SACM1L: variants seen among roughly 807,000 people sequenced by gnomAD.
SACM1L encodes SAC1 like phosphatidylinositide phosphatase.
SACM1L carries 32 observed loss-of-function variants against 89.5 expected under a neutral mutation model. The observed-to-expected ratio is 0.36, with a 90% CI of 0.27 to 0.48. The LOEUF (loss-of-function observed/expected upper bound fraction) is 0.48. Ranked by LOEUF, SACM1L falls within the 20% of genes least tolerant of loss-of-function variation. The pLI is 0.99. For missense variants in SACM1L, 543 were observed against 708.5 expected (o/e 0.77, Z 2.65); for synonymous variants, 213 against 232.8 (o/e 0.92, Z 0.77).
At chr3:45,700,956 G>A (rs1468896664) in intron 1 of SACM1L, among the ~76,000 whole-genome samples, 1 of 152,228 alleles carries the variant, frequency 6.6e-6, no homozygotes, top group Non-Finnish European at 1.5e-5. Flanking sequence ...ACAGGCGTGA[G>A]CCACCGCGCC....
chr3:45,700,027 A>C (rs1261217787), intron 1 of SACM1L, among the ~76,000 whole-genome samples: 1 of 152,160 alleles, frequency 6.6e-6, no homozygotes, highest in East Asian at 1.9e-4. Flanking sequence ...TTTTCATTTT[A>C]AAGGTCTTAC....
At chr3:45,708,892 T>C (rs1156603228) in intron 4 of SACM1L, among the ~76,000 whole-genome samples, 1 of 152,246 alleles carries the variant, frequency 6.6e-6, no homozygotes, top group Non-Finnish European at 1.5e-5. Flanking sequence ...TTAGTATTCA[T>C]TGGGAAAGCT....
chr3:45,729,038 T>C (rs188347597), intron 11 of SACM1L, among the ~76,000 whole-genome samples: 156 of 152,290 alleles, frequency 1.0e-3, no homozygotes, highest in African/African-American at 3.6e-3. Context: ...TCAATAATAC[T>C]GGCTTTTATA....
chr3:45,722,956 G>T lies in SACM1L; in HGVS notation c.852+1G>T. The stretch of plus-strand genomic sequence containing the variant: ...ACAGATCAGCAAAGTAGCAAATCAC[G>T]TGTGTATCTTGCATGCCTTTTTTGT... On this transcript the variant is annotated splice_donor_variant, in intron 10 of 19. Coordinates refer to ENST00000389061, the MANE Select transcript of SACM1L (RefSeq NM_014016.5). LOFTEE classifies it high-confidence loss of function. 6.2e-7 allele frequency: 1 copy of T among 1,610,616 alleles called. No individual in the cohort carries two copies. Among genetic ancestry groups the T allele is most frequent in the Non-Finnish European group, 8.5e-7 (1 of 1,177,404 alleles).
chr3:45,741,881 A>T (rs1559554262), intron 19 of SACM1L, among the ~76,000 whole-genome samples: 1 of 152,306 alleles, frequency 6.6e-6, no homozygotes, highest in East Asian at 1.9e-4. Flanking sequence ...ATTGCCTGGG[A>T]CATGACTGCA....
Position 45,705,154 on chromosome 3 carries a change from T to C in SACM1L, c.150T>C (p.Pro50=). 1 of 1,609,952 alleles carries C rather than the reference T, an allele frequency of 6.2e-7. No homozygotes were observed. The highest frequency in any genetic ancestry group is 8.5e-7 in the Non-Finnish European group (1 of 1,177,310). ...TTAAAGTCAAGAAAGATGTTCCTCC[T>C]TCAGCTGTCACAAGACCAATATTTG... is the stretch of plus-strand genomic sequence containing the variant. ...VTLAVKKDVP[P]SAVTRPIFGI... is the part of the protein sequence containing the mutation. The change falls in exon 3 of 20, where the codon CCT becomes CCC. Residue 50 remains proline (P), a synonymous_variant. Transcript: ENST00000389061.
intron 1 of SACM1L, among the ~76,000 whole-genome samples, chr3:45,702,666 A>G (rs1217867488): frequency 1.3e-5 from 2 of 152,218 alleles, no homozygotes; most frequent in Non-Finnish European, 2.9e-5. Context: ...ATCCTGAGTC[A>G]GTCCCTCACC....
intron 11 of SACM1L, among the ~76,000 whole-genome samples, chr3:45,724,973 A>G (rs1698884505): frequency 6.6e-6 from 1 of 152,180 alleles, no homozygotes; most frequent in African/African-American, 2.4e-5. Flanking sequence ...GTCTGTCACC[A>G]TAATAAAAAC....
At chr3:45,723,064 T>C (rs753741391) in intron 10 of SACM1L, 109 bp downstream of exon 10, 22 of 899,812 alleles carry the variant, frequency 2.4e-5, no homozygotes, top group Non-Finnish European at 3.8e-5. Context: ...TTCAACATCT[T>C]TGAGGCTATT....
chr3:45,712,076 G>C (rs1698542758), intron 5 of SACM1L, among the ~76,000 whole-genome samples: 1 of 152,100 alleles, frequency 6.6e-6, no homozygotes, highest in Admixed American at 6.6e-5. Flanking sequence ...AAGTATGACT[G>C]GTACAAATTC....
chr3:45,732,704 T>C (rs941397273), intron 13 of SACM1L, among the ~76,000 whole-genome samples: 1 of 152,224 alleles, frequency 6.6e-6, no homozygotes, highest in Non-Finnish European at 1.5e-5. Flanking sequence ...GTAGGATTAA[T>C]GGATCAAAGG....
At chr3:45,712,628 T>C (rs945757195) in intron 5 of SACM1L, among the ~76,000 whole-genome samples, 1 of 152,254 alleles carries the variant, frequency 6.6e-6, no homozygotes, top group Non-Finnish European at 1.5e-5. Context: ...GAGAGTTAAT[T>C]AGGGGCTGCC....
chr3:45,723,071 T>TA, intron 10 of SACM1L, 116 bp downstream of exon 10: 3 of 870,196 alleles, frequency 3.4e-6, no homozygotes, highest in Non-Finnish European at 1.8e-6. Flanking sequence ...TCTTTGAGGC[T>TA]ATTCTTCTTG....
intron 7 of SACM1L, among the ~76,000 whole-genome samples, chr3:45,716,640 A>T (rs1228054560): frequency 6.6e-6 from 1 of 152,012 alleles, no homozygotes; most frequent in African/African-American, 2.4e-5. Context: ...GGGTGTGTAA[A>T]TGTGATCGGG....
intron 14 of SACM1L, among the ~76,000 whole-genome samples, chr3:45,736,987 A>C (rs1383706417): frequency 6.6e-6 from 1 of 152,164 alleles, no homozygotes; most frequent in Non-Finnish European, 1.5e-5. Context: ...GGTTCTCAGA[A>C]GTGATGGTCT....
chr3:45,735,793 A>C (rs1264316998), intron 14 of SACM1L, among the ~76,000 whole-genome samples: 1 of 152,216 alleles, frequency 6.6e-6, no homozygotes, highest in African/African-American at 2.4e-5. Context: ...GCGTCATACC[A>C]GTTTACACTG....
chr3:45,712,669 A>G (rs1386774324), intron 5 of SACM1L, among the ~76,000 whole-genome samples: 1 of 152,156 alleles, frequency 6.6e-6, no homozygotes, highest in African/African-American at 2.4e-5. Flanking sequence ...CCATGCAGAG[A>G]TTTGGTTCTT....
At chr3:45,725,430 T>C (rs1373009418) in intron 11 of SACM1L, among the ~76,000 whole-genome samples, 1 of 152,162 alleles carries the variant, frequency 6.6e-6, no homozygotes, top group Admixed American at 6.5e-5. Context: ...TATTTATGCC[T>C]GAATGGTGTT....
chr3:45,714,819 G>A (rs746325501), intron 7 of SACM1L, among the ~76,000 whole-genome samples: 4 of 152,154 alleles, frequency 2.6e-5, no homozygotes, highest in African/African-American at 4.8e-5. Flanking sequence ...AAGCAGCCAA[G>A]TGAGCTGGCT....
Sources: gnomAD v4.1 joint callset for allele counts (sites outside exome capture counted in the v4.1 genomes callset) on GRCh38, gnomAD v4.1.1 for gene constraint, MANE v1.5 for transcripts, NCBI Gene and HGNC (gene_info 2026-07-23, HGNC 2026-07-21) for gene names.